Variants in IL23R observed in about 807,000 individuals in gnomAD.
The protein encoded by IL23R is interleukin-23 receptor.
A neutral mutation model predicts 56.9 loss-of-function variants in IL23R; 34 were observed. The observed-to-expected ratio is 0.60, with a 90% confidence interval of 0.45 to 0.80. The LOEUF (loss-of-function observed/expected upper bound fraction) is 0.80. IL23R is among the 30% of genes least tolerant of loss of function. The pLI is 0.00. For missense variants in IL23R, 635 were observed against 730.0 expected, an observed-to-expected ratio of 0.87 and a Z score of 1.50; for synonymous variants, 230 against 249.2, an observed-to-expected ratio of 0.92 and a Z score of 0.73.
intron 3 of IL23R, among the ~76,000 whole-genome samples, chr1:67,171,895 A>T (rs1646948959): frequency 6.6e-6 from 1 of 152,214 alleles, no homozygotes; most frequent in African/African-American, 2.4e-5. Context: ...TCTGTCCCCA[A>T]ACCCAACACC....
At chr1:67,252,231 G>A (rs982908856) in intron 9 of IL23R, among the ~76,000 whole-genome samples, 1 of 152,134 alleles carries the variant, frequency 6.6e-6, no homozygotes, top group African/African-American at 2.4e-5. Context: ...CTTAGCCAAT[G>A]ATTTTTCCTA....
At chr1:67,256,037 C>T in intron 10 of IL23R, 110 bp downstream of exon 10, 1 of 676,880 alleles carries the variant, frequency 1.5e-6, no homozygotes, top group Non-Finnish European at 2.7e-6. Context: ...CACATATTAA[C>T]ATAATTATAT....
chr1:67,151,164 G>T (rs115622402), intron 1 of IL23R, among the ~76,000 whole-genome samples: 2,140 of 152,298 alleles, frequency 0.014, 58 homozygotes, highest in African/African-American at 0.049. Context: ...GTGTGTAATG[G>T]TAACTCATTG....
At chr1:67,255,489 A>AG (rs1652890433) in intron 9 of IL23R, among the ~76,000 whole-genome samples, 1 of 152,018 alleles carries the variant, frequency 6.6e-6, no homozygotes, top group African/African-American at 2.4e-5. Context: ...GCCCAGAGTG[A>AG]GTGCAGTGGC....
intron 1 of IL23R, among the ~76,000 whole-genome samples, chr1:67,141,076 C>T (rs944161125): frequency 2.6e-5 from 4 of 151,842 alleles, no homozygotes; most frequent in Admixed American, 2.0e-4. Flanking sequence ...TGAAGAAATA[C>T]GTAATAACAT....
chr1:67,201,167 G>T (rs1268828464), intron 5 of IL23R, among the ~76,000 whole-genome samples: 3 of 152,020 alleles, frequency 2.0e-5, no homozygotes, highest in African/African-American at 4.8e-5. Flanking sequence ...ATTTTGGGAG[G>T]TCGAGGTGGG....
intron 3 of IL23R, among the ~76,000 whole-genome samples, 182 bp downstream of exon 3, chr1:67,169,820 C>A (rs1646920075): frequency 6.6e-6 from 1 of 152,162 alleles, no homozygotes; most frequent in Admixed American, 6.6e-5. Flanking sequence ...GAACTGTAGC[C>A]ACTGCCCAGA....
chr1:67,237,298 C>T (rs1651547007), intron 8 of IL23R, among the ~76,000 whole-genome samples: 1 of 152,166 alleles, frequency 6.6e-6, no homozygotes, highest in Non-Finnish European at 1.5e-5. Context: ...ACCTCAGCCT[C>T]CCAAAGTGCT....
rs1248763339 is a variant in IL23R, at chr1:67,212,040, A to G, written c.798+4985A>G. 2.0e-5 allele frequency among the ~76,000 whole-genome samples: 3 copies of G among 152,206 alleles called. No homozygotes were observed. In the East Asian group the frequency reaches 5.8e-4, roughly 29 times the overall value. ...TAACTAAGTGCCTCTCACAGACTCT[A>G]CATCACTTTAAAGACCAAATAAATA... On this transcript the variant is annotated intron_variant, in intron 6 of 10. Transcript: ENST00000347310.
At chr1:67,203,288 G>A (rs1330647695) in intron 5 of IL23R, among the ~76,000 whole-genome samples, 3 of 152,060 alleles carry the variant, frequency 2.0e-5, no homozygotes, top group African/African-American at 4.8e-5. Flanking sequence ...AATGATTTGC[G>A]CAAAGTCACT....
intron 7 of IL23R, among the ~76,000 whole-genome samples, chr1:67,225,916 T>G (rs1024299802): frequency 2.0e-5 from 3 of 152,184 alleles, no homozygotes; most frequent in African/African-American, 7.2e-5. Flanking sequence ...ACACACTCTT[T>G]AAGAGAAGGA....
At chr1:67,201,382 T>G (rs1648621178) in intron 5 of IL23R, among the ~76,000 whole-genome samples, 1 of 149,994 alleles carries the variant, frequency 6.7e-6, no homozygotes. Flanking sequence ...CACTCCAGCC[T>G]GGGTGACACA....
intron 7 of IL23R, among the ~76,000 whole-genome samples, chr1:67,233,195 C>CAAAA (rs34125353): frequency 1.3e-4 from 7 of 53,644 alleles, no homozygotes; most frequent in Admixed American, 8.8e-4. Context: ...CTAAAAATTC[C>CAAAA]AAAAAAAAAA....
At chr1:67,239,994 T>G (rs1651748781) in intron 8 of IL23R, among the ~76,000 whole-genome samples, 185 bp from the exon 9 acceptor site, 1 of 152,190 alleles carries the variant, frequency 6.6e-6, no homozygotes, top group Non-Finnish European at 1.5e-5. Context: ...AAAAAGTTGT[T>G]TCCTGGGGTA....
chr1:67,221,335 A>G lies in IL23R; in HGVS notation c.955+1605A>G, dbSNP rs1650238679. ...GACTCCATCTCAGAAAATTTTATTA[A>G]GAACATATTCTCCTAAAAGAGACAC... On this transcript the variant is annotated intron_variant, in intron 7 of 10. Transcript: ENST00000347310. Among the ~76,000 whole-genome samples the G allele has an allele frequency of 2.0e-5, 3 of 152,326 alleles. No homozygotes were observed. The South Asian group carries it at 6.2e-4, about 32-fold the overall frequency.
At chr1:67,144,967 T>C (rs974425814) in intron 1 of IL23R, among the ~76,000 whole-genome samples, 2 of 152,228 alleles carry the variant, frequency 1.3e-5, no homozygotes, top group African/African-American at 4.8e-5. Context: ...TACATGTTAA[T>C]TTATATTCCT....
intron 6 of IL23R, chr1:67,207,565 A>C: frequency 2.8e-6 from 1 of 353,202 alleles, no homozygotes; most frequent in Non-Finnish European, 5.4e-6. Flanking sequence ...ATAGTGAATA[A>C]GTCTCACGAG....
intron 3 of IL23R, among the ~76,000 whole-genome samples, chr1:67,182,603 C>A (rs553155065): frequency 6.6e-6 from 1 of 152,264 alleles, no homozygotes; most frequent in Admixed American, 6.5e-5. Context: ...CAATGCCTCG[C>A]CCTGCTTCGG....
chr1:67,175,748 G>C lies in IL23R; in HGVS notation c.367+6110G>C, dbSNP rs193134368. ...AATGAGTAGTGGAAAATGTGCAAGA[G>C]AAGAAGATAGTCTGCCAGAGTAGTA... is the stretch of plus-strand genomic sequence containing the variant. On this transcript the variant is annotated intron_variant, in intron 3 of 10. Transcript: ENST00000347310. 4.6e-5 allele frequency among the ~76,000 whole-genome samples: 7 copies of C among 152,192 alleles called. No homozygotes were observed. The East Asian group carries it at 7.7e-4, about 17-fold the overall frequency.
Sources: allele counts gnomAD v4.1 joint callset (sites outside exome capture counted in the v4.1 genomes callset), GRCh38; gene constraint gnomAD v4.1.1; transcripts MANE v1.5; gene names NCBI Gene and HGNC (gene_info 2026-07-23, HGNC 2026-07-21).